GEN1: variants seen among roughly 807,000 people sequenced by gnomAD.
GEN1 encodes GEN1 structure-specific endonuclease.
Under a neutral mutation model 67.6 loss-of-function variants are expected in GEN1, and 64 were observed. The observed-to-expected ratio is 0.95, with a 90% CI of 0.77 to 1.17. GEN1 has a LOEUF of 1.17. Among genes scored for constraint, GEN1 ranks in the 50% most tolerant of loss-of-function variants. GEN1 has a pLI of 0.00. For synonymous variants in GEN1, 371 were observed against 359.4 expected (o/e 1.03, Z -0.37); for missense variants, 1,058 against 1,048.3 (o/e 1.01, Z -0.13).
chr2:17,768,087 T>G (rs1397432530), intron 5 of GEN1, among the ~76,000 whole-genome samples: 1 of 152,200 alleles, frequency 6.6e-6, no homozygotes, highest in Non-Finnish European at 1.5e-5. Flanking sequence ...ACTAACCAGT[T>G]AACACGAGTG....
At chr2:17,778,108 C>A in intron 12 of GEN1, 45 bp downstream of exon 12, 2 of 1,003,634 alleles carry the variant, frequency 2.0e-6, no homozygotes, top group Non-Finnish European at 3.2e-6. Flanking sequence ...TAATATTTGA[C>A]CATGTATGTC....
At position 17,786,494 on chromosome 2, in the gene GEN1, C is replaced by T. The variant is rs549667202; in HGVS notation, c.*4555C>T. 9 of 152,258 alleles carry T rather than the reference C, an allele frequency of 5.9e-5. No individual in the cohort carries two copies. The highest frequency in any genetic ancestry group is 8.8e-5 in the Non-Finnish European group (6 of 68,020). The allele number at this position is 152,258 out of a possible 1,614,324, so 9.4% of individuals were successfully genotyped here. On this transcript the variant is annotated 3_prime_UTR_variant, in exon 14 of 14. Transcript: ENST00000381254. Reference sequence around the variant, plus strand: ...AATCACCTACCACATTTTTGGAGCACCCACTTTGAGCAAGGTTCTTAGGCT... The same window carrying T: ...AATCACCTACCACATTTTTGGAGCATCCACTTTGAGCAAGGTTCTTAGGCT...
At chr2:17,770,005 T>G (rs1446867085) in intron 6 of GEN1, among the ~76,000 whole-genome samples, 1 of 152,186 alleles carries the variant, frequency 6.6e-6, no homozygotes, top group African/African-American at 2.4e-5. Flanking sequence ...CTTTTAGCTG[T>G]AAAACTGTTG....
chr2:17,772,301 T>C (rs184062491), intron 7 of GEN1, among the ~76,000 whole-genome samples: 3 of 152,212 alleles, frequency 2.0e-5, no homozygotes, highest in Admixed American at 6.5e-5. Context: ...ATCCTACTTT[T>C]TATGCATGTA....
At chr2:17,768,670 A>G in intron 5 of GEN1, 68 bp from the exon 6 acceptor site, 1 of 1,125,744 alleles carries the variant, frequency 8.9e-7, no homozygotes. Context: ...TCTTCCGTTC[A>G]ATTAATATAC....
intron 12 of GEN1, among the ~76,000 whole-genome samples, 200 bp downstream of exon 12, chr2:17,778,263 T>C (rs568097856): frequency 0.013 from 1,422 of 108,576 alleles, 398 homozygotes; most frequent in Non-Finnish European, 0.02. Flanking sequence ...CACACATATG[T>C]GTGTACATAT....
chr2:17,768,498 G>A (rs1003951263), intron 5 of GEN1, among the ~76,000 whole-genome samples: 33 of 152,152 alleles, frequency 2.2e-4, no homozygotes, highest in African/African-American at 7.7e-4. Flanking sequence ...TATATAACTC[G>A]CTGAAATTTT....
rs1419581946 is a variant in GEN1, at chr2:17,773,219, G to A, written c.991G>A (p.Val331Ile). The A allele has an allele frequency of 1.3e-6, 2 of 1,591,114 alleles. No individual in the cohort carries two copies. The highest frequency in any genetic ancestry group is 3.4e-5 in the Admixed American group (2 of 58,944). Residue 331 changes from valine (V) to isoleucine (I), a missense_variant and splice_region_variant, in exon 10 of 14, where the codon GTT becomes ATT. Val to Ile is a conservative substitution (Grantham distance 29). Coordinates refer to ENST00000381254, the MANE Select transcript of GEN1 (RefSeq NM_001130009.3). ...TTTCTATTTTCTTTTTTCTTGCTAG[G>A]TTATTCAAGAATTCCTTTTAAACAA... is the stretch of plus-strand genomic sequence containing the variant. Reference protein sequence around the residue: ...CCCEGFPFHEVIQEFLLNKDK... With the variant: ...CCCEGFPFHEIIQEFLLNKDK...
In GEN1 at chr2:17,782,078, T is replaced by C. The variant is rs970530912; in HGVS notation, c.*139T>C. ...GAAACACTTGCCATTTTAATCAAAG[T>C]TGTAATTTTTAAAAAGTCACCTAAA... On this transcript the variant is annotated 3_prime_UTR_variant, in exon 14 of 14. Transcript: ENST00000381254. The C allele has an allele frequency of 3.0e-5, 16 of 539,256 alleles. No individual in the cohort carries two copies. The highest frequency in any genetic ancestry group is 1.8e-4 in the African/African-American group (9 of 51,236). 33.4% of individuals were successfully genotyped at this position (539,256 alleles called of 1,614,324 possible). A position where few individuals can be genotyped will look rare whatever the true frequency, so the allele number is the denominator to read the frequency against.
At chr2:17,776,899 C>T (rs796734898) in intron 11 of GEN1, among the ~76,000 whole-genome samples, 5 of 152,200 alleles carry the variant, frequency 3.3e-5, no homozygotes, top group South Asian at 4.1e-4. Flanking sequence ...CCAAAGCAGG[C>T]GGATCAGTTG....
In GEN1 at chr2:17,780,709, C is replaced by T. The variant is rs1446546129; in HGVS notation, c.1497C>T (p.Ile499=). The T allele has an allele frequency of 6.2e-7, 1 of 1,613,906 alleles. No individual in the cohort carries two copies. The highest frequency in any genetic ancestry group is 2.2e-5 in the East Asian group (1 of 44,840). The change falls in exon 14 of 14, where the codon ATC becomes ATT. Residue 499 remains isoleucine (I), a synonymous_variant. Transcript: ENST00000381254. ...TGACTTTAAAACCCACATGTGAAAT[C>T]TTTCATAAGCAGAATTCCAAGTTAA... is the stretch of plus-strand genomic sequence containing the variant. ...SHMTLKPTCE[I]FHKQNSKLNS... is the part of the protein sequence containing the mutation.
In GEN1 at chr2:17,772,725, T is replaced by G. The variant is rs371772153; in HGVS notation, c.894T>G (p.Cys298Trp). ...ATGACTATGAATACTGCTGTCCTTG[T>G]GAGTGGCACCGTACAGAACATGATA... ...EPHDYEYCCP[C>W]EWHRTEHDRQ... is the part of the protein sequence containing the mutation. The change falls in exon 8 of 14, where the codon TGT (cysteine) becomes TGG (tryptophan). Residue 298 changes from cysteine to tryptophan, a missense_variant. By Grantham distance (215) the Cys-to-Trp change is radical. Transcript: ENST00000381254. 33 of 1,612,070 alleles carry G rather than the reference T, an allele frequency of 2.0e-5. 1 individual carries two copies. In the Admixed American group the frequency reaches 4.8e-4, roughly 24 times the overall value.
intron 12 of GEN1, 128 bp downstream of exon 12, chr2:17,778,191 C>T (rs1572417092): frequency 2.5e-6 from 1 of 403,996 alleles, no homozygotes; most frequent in East Asian, 4.6e-5. Flanking sequence ...TATATATACA[C>T]ACACACATAT....
At chr2:17,769,417 AAC>A (rs1320458966) in intron 6 of GEN1, among the ~76,000 whole-genome samples, 3 of 152,244 alleles carry the variant, frequency 2.0e-5, no homozygotes, top group East Asian at 3.9e-4. Context: ...TAGCTCACTA[AAC>A]ACATTTAGTA....
Position 17,781,960 on chromosome 2 carries a change from A to G in GEN1, c.*21A>G, listed in dbSNP as rs1218239202. The G allele has an allele frequency of 1.5e-6, 2 of 1,339,792 alleles. No homozygotes were observed. The highest frequency in any genetic ancestry group is 2.1e-6 in the Non-Finnish European group (2 of 972,450). The allele number at this position is 1,339,792 out of a possible 1,614,324, so 83.0% of individuals were successfully genotyped here. ...CTTGAAATTTAAAACACTTAGGTAT[A>G]ACTTAACTATTTTAGTACTATCAGC... On this transcript the variant is annotated 3_prime_UTR_variant, in exon 14 of 14. Coordinates refer to ENST00000381254, the MANE Select transcript of GEN1 (RefSeq NM_001130009.3).
intron 11 of GEN1, among the ~76,000 whole-genome samples, chr2:17,777,771 GA>G (rs1384931705): frequency 6.6e-6 from 1 of 152,000 alleles, no homozygotes; most frequent in Non-Finnish European, 1.5e-5. Flanking sequence ...TGAAGATGAG[GA>G]ACACTGCATA....
intron 11 of GEN1, among the ~76,000 whole-genome samples, chr2:17,776,337 T>G (rs1672432102): frequency 6.6e-6 from 1 of 152,148 alleles, no homozygotes; most frequent in Non-Finnish European, 1.5e-5. Context: ...AAAGGACCTT[T>G]TTTTTAGGAC....
intron 5 of GEN1, 49 bp from the exon 6 acceptor site, chr2:17,768,689 A>G (rs1672043259): frequency 2.3e-6 from 3 of 1,314,356 alleles, no homozygotes; most frequent in Non-Finnish European, 3.3e-6. Context: ...ACTTTTAACC[A>G]TTCCTAGTGA....
chr2:17,764,113 T>C (rs1182441498), intron 3 of GEN1, among the ~76,000 whole-genome samples: 1 of 152,178 alleles, frequency 6.6e-6, no homozygotes, highest in Non-Finnish European at 1.5e-5. Context: ...CAGAGGAAAG[T>C]CACAGCAAAT....
Sources: gnomAD v4.1 joint callset for allele counts (sites outside exome capture counted in the v4.1 genomes callset) on GRCh38, gnomAD v4.1.1 for gene constraint, MANE v1.5 for transcripts, NCBI Gene and HGNC (gene_info 2026-07-23, HGNC 2026-07-21) for gene names.